PATL2: variants seen among roughly 807,000 people sequenced by gnomAD.
PATL2 encodes the protein PAT1 homolog 2, also known as protein PAT1 homolog 2.
PATL2 carries 73 observed loss-of-function variants against 77.0 expected under a neutral mutation model. The observed-to-expected ratio is 0.95, with a 90% CI of 0.78 to 1.15. PATL2 has a LOEUF of 1.15. Among genes scored for constraint, PATL2 ranks in the 50% most tolerant of loss-of-function variants. The pLI is 0.00. For synonymous variants in PATL2, 265 were observed against 257.1 expected (o/e 1.03, Z -0.29); for missense variants, 618 against 655.4 (o/e 0.94, Z 0.62).
chr15:44,705,836 C>G (rs1223093732), intron 3 of PATL2, among the ~76,000 whole-genome samples: 1 of 134,032 alleles, frequency 7.5e-6, no homozygotes, highest in African/African-American at 3.2e-5. Context: ...GAGTCTTGCT[C>G]AGTTGCCCAG....
intron 3 of PATL2, among the ~76,000 whole-genome samples, chr15:44,692,092 T>C (rs1429447283): frequency 6.6e-6 from 1 of 152,174 alleles, no homozygotes; most frequent in Admixed American, 6.6e-5. Context: ...TAGAAATAGA[T>C]ACACTGTCCA....
chr15:44,684,675 A>T (rs1227122852), intron 3 of PATL2, among the ~76,000 whole-genome samples: 1 of 152,212 alleles, frequency 6.6e-6, no homozygotes, highest in Non-Finnish European at 1.5e-5. Flanking sequence ...AACACTCTTC[A>T]GGATATTATC....
chr15:44,666,641 C>A, intron 16 of PATL2, 100 bp from the exon 17 acceptor site: 1 of 1,255,812 alleles, frequency 8.0e-7, no homozygotes, highest in South Asian at 1.6e-5. Context: ...TACCATTGTC[C>A]CCCACCCCCA....
Position 44,666,503 on chromosome 15 carries a change from T to C in PATL2, c.1502A>G (p.Gln501Arg). The C allele has an allele frequency of 6.4e-7, 1 of 1,551,556 alleles. No individual in the cohort carries two copies. Among genetic ancestry groups the C allele is most frequent in the Non-Finnish European group, 8.7e-7 (1 of 1,146,924 alleles). The change falls in exon 17 of 18, where the codon CAA becomes CGA. Residue 501 changes from glutamine to arginine, a missense_variant. Gln to Arg is a conservative substitution (Grantham distance 43, BLOSUM62 1). Coordinates refer to ENST00000682850, the MANE Select transcript of PATL2 (RefSeq NM_001387263.1). Reference sequence around the variant, plus strand: ...TTCTGCCAGAGAGGCTGTAGGCATTTGGGCTATCTCCCAGGCAATCAGAAC... The same window carrying C: ...TTCTGCCAGAGAGGCTGTAGGCATTCGGGCTATCTCCCAGGCAATCAGAAC... ...MVVLIAWEIAQMPTASLAEPL... is the reference protein window; with the variant it reads ...MVVLIAWEIARMPTASLAEPL...
chr15:44,705,401 C>T (rs369596789), intron 3 of PATL2, among the ~76,000 whole-genome samples: 6 of 152,208 alleles, frequency 3.9e-5, no homozygotes, highest in East Asian at 3.9e-4. Flanking sequence ...AGGCTGCTCT[C>T]GAACTCCTGA....
chr15:44,666,048 T>C, intron 17 of PATL2, 77 bp from the exon 18 acceptor site: 1 of 1,306,844 alleles, frequency 7.7e-7, no homozygotes, highest in Non-Finnish European at 1.1e-6. Flanking sequence ...AGTATCTGAC[T>C]CTTTCTAGCA....
intron 14 of PATL2, 43 bp from the exon 15 acceptor site, chr15:44,668,525 T>G (rs933672128): frequency 3.9e-6 from 6 of 1,540,132 alleles, no homozygotes; most frequent in African/African-American, 1.4e-5. Context: ...CCACTACAAC[T>G]TCACCTCCCC....
At chr15:44,702,314 C>T (rs1165832189) in intron 3 of PATL2, among the ~76,000 whole-genome samples, 1 of 148,690 alleles carries the variant, frequency 6.7e-6, no homozygotes, top group Non-Finnish European at 1.5e-5. Flanking sequence ...GTTTGAATTT[C>T]TTTGATATTG....
In PATL2 at chr15:44,665,795, A is replaced by G. The variant is rs988715664; in HGVS notation, c.*158T>C. ...TGTCTTATTTTTAGGCACATCATTTAGATTTTTGAAGAAAGGATATGAAAA... is the reference window on the plus strand; with the variant it reads ...TGTCTTATTTTTAGGCACATCATTTGGATTTTTGAAGAAAGGATATGAAAA... On this transcript the variant is annotated 3_prime_UTR_variant, in exon 18 of 18. Transcript: ENST00000682850. 42 of 1,511,534 alleles carry G rather than the reference A, an allele frequency of 2.8e-5. No homozygotes were observed. The African/African-American group carries it at 5.6e-4, about 20-fold the overall frequency. 93.6% of individuals were successfully genotyped at this position (1,511,534 alleles called of 1,614,324 possible).
chr15:44,668,425 C>G lies in PATL2; in HGVS notation c.1282G>C (p.Glu428Gln), dbSNP rs760151963. 2.6e-6 allele frequency: 4 copies of G among 1,551,240 alleles called. No homozygotes were observed. The highest frequency in any genetic ancestry group is 2.4e-5 in the South Asian group (2 of 84,046). Residue 428 changes from glutamate (E) to glutamine (Q), a missense_variant, in exon 15 of 18, where the codon GAA becomes CAA. Physicochemically the swap from Glu to Gln is conservative, Grantham distance 29 (BLOSUM62 2). Transcript: ENST00000682850. ...AATCCCTGAAGTCCTTGGAGGAGTT[C>G]GTGGAGGGTCAAGTGACTAATACAT... ...GKCISHLTLH[E>Q]LLQGLQGLTL...
intron 3 of PATL2, among the ~76,000 whole-genome samples, chr15:44,683,549 C>T (rs2086183568): frequency 6.6e-6 from 1 of 152,218 alleles, no homozygotes; most frequent in Non-Finnish European, 1.5e-5. Flanking sequence ...GATTCCTCCT[C>T]TCTGGGCAGG....
chr15:44,700,145 C>T (rs2086597616), intron 3 of PATL2, among the ~76,000 whole-genome samples: 1 of 151,980 alleles, frequency 6.6e-6, no homozygotes, highest in South Asian at 2.1e-4. Context: ...AATATCTTTC[C>T]ATTTTTTTGT....
intron 3 of PATL2, chr15:44,676,921 A>C: frequency 9.8e-7 from 1 of 1,016,954 alleles, no homozygotes; most frequent in Non-Finnish European, 1.2e-6. Flanking sequence ...CTGGGCCAGG[A>C]CCTGTTTGCC....
chr15:44,697,736 A>T (rs925888383), intron 3 of PATL2, among the ~76,000 whole-genome samples: 1 of 152,100 alleles, frequency 6.6e-6, no homozygotes, highest in Admixed American at 6.6e-5. Context: ...TAGCGGAAAG[A>T]TTGAGGCCTT....
chr15:44,696,421 T>C (rs997329917), intron 3 of PATL2, among the ~76,000 whole-genome samples: 1 of 152,264 alleles, frequency 6.6e-6, no homozygotes, highest in Admixed American at 6.5e-5. Flanking sequence ...TTTAAAATTA[T>C]GGTTATTACT....
rs1162729367 is a variant in PATL2, at chr15:44,666,516, A to C, written c.1489T>G (p.Trp497Gly). 1.3e-6 allele frequency: 2 copies of C among 1,551,012 alleles called. No individual in the cohort carries two copies. Among genetic ancestry groups the C allele is most frequent in the East Asian group, 4.9e-5 (2 of 40,932 alleles). The change falls in exon 17 of 18, where the codon TGG (tryptophan) becomes GGG (glycine). Residue 497 changes from tryptophan to glycine, a missense_variant. Transcript: ENST00000682850. ...AWTDMVVLIA[W>G]EIAQMPTASL... The stretch of plus-strand genomic sequence containing the variant: ...GCTGTAGGCATTTGGGCTATCTCCC[A>C]GGCAATCAGAACCACCATGTCTGTC...
At chr15:44,695,864 C>A (rs1444464439) in intron 3 of PATL2, among the ~76,000 whole-genome samples, 1 of 152,112 alleles carries the variant, frequency 6.6e-6, no homozygotes. Flanking sequence ...TTCCTGGTTT[C>A]CTCACAGTTG....
At chr15:44,699,290 G>A (rs1293175363) in intron 3 of PATL2, among the ~76,000 whole-genome samples, 2 of 152,084 alleles carry the variant, frequency 1.3e-5, no homozygotes, top group African/African-American at 4.8e-5. Context: ...GTCCTGGAGA[G>A]TTTCCACAAT....
Position 44,665,780 on chromosome 15 carries a change from T to A in PATL2, c.*173A>T. ...TACCTTATTATGCCATGTCTTATTT[T>A]TAGGCACATCATTTAGATTTTTGAA... On this transcript the variant is annotated 3_prime_UTR_variant, in exon 18 of 18. Transcript: ENST00000682850. The A allele has an allele frequency of 6.7e-7, 1 of 1,498,270 alleles. No individual in the cohort carries two copies. Among genetic ancestry groups the A allele is most frequent in the East Asian group, 2.5e-5 (1 of 40,182 alleles). The allele number at this position is 1,498,270 out of a possible 1,614,324, so 92.8% of individuals were successfully genotyped here.
Sources: gnomAD v4.1 joint callset for allele counts (sites outside exome capture counted in the v4.1 genomes callset) on GRCh38, gnomAD v4.1.1 for gene constraint, MANE v1.5 for transcripts, NCBI Gene and HGNC (gene_info 2026-07-23, HGNC 2026-07-21) for gene names.